Variants in CTNNA2 observed in about 807,000 individuals in gnomAD.
CTNNA2 encodes the protein catenin alpha 2.
Under a neutral mutation model 101.0 loss-of-function variants are expected in CTNNA2, and 42 were observed. The observed-to-expected ratio is 0.42, with a 90% CI of 0.32 to 0.54. The LOEUF is 0.54. CTNNA2 is among the 20% of genes least tolerant of loss of function. CTNNA2 has a pLI of 0.14. For synonymous variants in CTNNA2, 450 were observed against 456.4 expected (o/e 0.99, Z 0.18); for missense variants, 871 against 1,223.1 (o/e 0.71, Z 4.29).
At chr2:80,465,919 C>T (rs1375520805) in intron 9 of CTNNA2, among the ~76,000 whole-genome samples, 3 of 152,008 alleles carry the variant, frequency 2.0e-5, no homozygotes, top group Non-Finnish European at 4.4e-5. Context: ...AGTAGGCATT[C>T]TTCTAATATG....
chr2:79,798,861 T>C (rs142375577), intron 3 of CTNNA2, among the ~76,000 whole-genome samples: 31 of 152,364 alleles, frequency 2.0e-4, no homozygotes, highest in African/African-American at 6.3e-4. Flanking sequence ...TCATTTGTTT[T>C]CACTTCCAGA....
rs1709280565 is a variant in CTNNA2 at position 80,232,341 on chromosome 2, GTTTGTTTTTTTTTT to G, written c.1057-160866_1057-160853del. Among the ~76,000 whole-genome samples the G allele has an allele frequency of 5.6e-4, 46 of 82,062 alleles. No individual in the cohort carries two copies. In the East Asian group the frequency reaches 0.012, roughly 22 times the overall value. 53.8% of individuals were successfully genotyped at this position (82,062 alleles called of 152,430 possible). ...TTGGGTTTTGTTTGTTTGTTTGTTT[GTTTGTTTTTTTTTT>G]TTTTTTTTTTTTTTTTTTTTTTTTT... On this transcript the variant is annotated intron_variant, in intron 7 of 18. Transcript: ENST00000402739.
chr2:79,394,066 C>T (rs191094403), intron 4 of CTNNA2, among the ~76,000 whole-genome samples: 12 of 152,074 alleles, frequency 7.9e-5, no homozygotes, highest in East Asian at 3.9e-4. Flanking sequence ...TCATGATTAA[C>T]GTGGGGGATG....
chr2:79,196,028 C>G (rs1673956003), intron 1 of CTNNA2, among the ~76,000 whole-genome samples: 1 of 152,062 alleles, frequency 6.6e-6, no homozygotes, highest in African/African-American at 2.4e-5. Context: ...TCTCCGCCTC[C>G]CAGGTACAAG....
chr2:79,995,636 C>A (rs1692486084), intron 7 of CTNNA2, among the ~76,000 whole-genome samples: 1 of 152,064 alleles, frequency 6.6e-6, no homozygotes, highest in African/African-American at 2.4e-5. Flanking sequence ...CATAGTGAGA[C>A]CCCATTTCTA....
intron 3 of CTNNA2, among the ~76,000 whole-genome samples, chr2:79,314,484 G>A (rs531682859): frequency 6.6e-6 from 1 of 152,306 alleles, no homozygotes; most frequent in African/African-American, 2.4e-5. Context: ...AATTCTCTGG[G>A]GTGGAGGGTG....
intron 7 of CTNNA2, chr2:80,299,788 T>C (rs545494036): frequency 6.6e-6 from 1 of 152,300 alleles, no homozygotes; most frequent in Non-Finnish European, 1.5e-5. Context: ...AGGGGACTTG[T>C]GGTTCTGATG....
intron 7 of CTNNA2, among the ~76,000 whole-genome samples, chr2:79,956,612 C>G (rs146489452): frequency 1.3e-5 from 2 of 152,046 alleles, no homozygotes; most frequent in Admixed American, 6.6e-5. Flanking sequence ...TAAGCTTTAG[C>G]GATGAGAGAG....
At chr2:79,294,748 T>C (rs1675934258) in intron 2 of CTNNA2, among the ~76,000 whole-genome samples, 1 of 152,188 alleles carries the variant, frequency 6.6e-6, no homozygotes, top group Non-Finnish European at 1.5e-5. Flanking sequence ...CCATATGTTC[T>C]GAATAATTAT....
chr2:79,340,833 C>CAAAAAAAAAAAAAAA (rs56276462), intron 3 of CTNNA2, among the ~76,000 whole-genome samples: 7 of 32,532 alleles, frequency 2.2e-4, no homozygotes, highest in Non-Finnish European at 2.7e-4. Flanking sequence ...GACTCAGTCT[C>CAAAAAAAAAAAAAAA]AAAAAAAAAA....
intron 14 of CTNNA2, among the ~76,000 whole-genome samples, chr2:80,588,377 GA>G (rs1260825646): frequency 4.6e-5 from 7 of 152,148 alleles, no homozygotes; most frequent in Non-Finnish European, 8.8e-5. Context: ...TACGAGAGCT[GA>G]AAAAGGAAGG....
chr2:80,015,567 T>G (rs6711371), intron 7 of CTNNA2, among the ~76,000 whole-genome samples: 85,108 of 152,000 alleles, frequency 0.56, 26,101 homozygotes, highest in East Asian at 0.72. Context: ...ATTTGGTGTG[T>G]GCAGAAGGAT....
At chr2:80,421,179 G>A (rs1680497184) in intron 9 of CTNNA2, among the ~76,000 whole-genome samples, 1 of 152,080 alleles carries the variant, frequency 6.6e-6, no homozygotes, top group Non-Finnish European at 1.5e-5. Context: ...ATGCTGATGG[G>A]TGCTACAAAG....
At chr2:80,097,266 A>T (rs534932010) in intron 7 of CTNNA2, among the ~76,000 whole-genome samples, 2 of 152,174 alleles carry the variant, frequency 1.3e-5, no homozygotes, top group Non-Finnish European at 2.9e-5. Context: ...TCACTTATGA[A>T]GCTTAGTTTG....
At chr2:79,314,473 A>G (rs1482307120) in intron 3 of CTNNA2, among the ~76,000 whole-genome samples, 1 of 152,216 alleles carries the variant, frequency 6.6e-6, no homozygotes, top group Non-Finnish European at 1.5e-5. Flanking sequence ...GCAATAAAAA[A>G]AATTCTCTGG....
At chr2:79,672,684 T>C (rs1400241421) in intron 2 of CTNNA2, among the ~76,000 whole-genome samples, 2 of 151,758 alleles carry the variant, frequency 1.3e-5, no homozygotes, top group Non-Finnish European at 2.9e-5. Flanking sequence ...TCCTAATATT[T>C]TCCGATGCAA....
intron 5 of CTNNA2, among the ~76,000 whole-genome samples, chr2:79,506,900 C>T (rs570826811): frequency 2.6e-5 from 4 of 152,216 alleles, no homozygotes; most frequent in South Asian, 2.1e-4. Context: ...CCCTAATATA[C>T]GAGTCACTCC....
rs1302603995 is a variant in CTNNA2 at position 80,120,935 on chromosome 2, T to G, written c.1056+211138T>G. ...GGATAAAACTAATAAATAAGTGGAG[T>G]GTGTGGTGTAAATCGAATGCTTTCT... On this transcript the variant is annotated intron_variant, in intron 7 of 18. Transcript: ENST00000402739. Among the ~76,000 whole-genome samples, 4 of 152,050 alleles carry G rather than the reference T, an allele frequency of 2.6e-5. No homozygotes were observed. In the East Asian group the frequency reaches 5.8e-4, roughly 22 times the overall value.
chr2:80,050,623 G>T (rs1203486231), intron 7 of CTNNA2, among the ~76,000 whole-genome samples: 2 of 152,170 alleles, frequency 1.3e-5, no homozygotes, highest in African/African-American at 2.4e-5. Context: ...AGGCCAACAG[G>T]TTTCCAAATC....
Sources: gnomAD v4.1 joint callset for allele counts (sites outside exome capture counted in the v4.1 genomes callset) on GRCh38, gnomAD v4.1.1 for gene constraint, MANE v1.5 for transcripts, NCBI Gene and HGNC (gene_info 2026-07-23, HGNC 2026-07-21) for gene names.